The following KRT6B variants were observed in gnomAD, a reference collection of about 807,000 sequenced individuals.
KRT6B encodes keratin, type II cytoskeletal 6B.
Under a neutral mutation model 44.7 loss-of-function variants are expected in KRT6B, and 29 were observed. That is an observed-to-expected ratio of 0.65 (90% CI 0.48 to 0.88). KRT6B has a LOEUF of 0.88. Ranked by LOEUF, KRT6B falls within the 40% of genes least tolerant of loss-of-function variation. KRT6B has a pLI of 0.00. For missense variants in KRT6B, 600 were observed against 724.0 expected (o/e 0.83, Z 1.97); for synonymous variants, 213 against 296.0 (o/e 0.72, Z 2.88).
rs780104227 is a variant in KRT6B, at chr12:52,447,769, G to A, written c.1424+9C>T. 6.2e-7 allele frequency: 1 copy of A among 1,614,202 alleles called. No homozygotes were observed. Among genetic ancestry groups the A allele is most frequent in the Non-Finnish European group, 8.5e-7 (1 of 1,180,030 alleles). On this transcript the variant is annotated intron_variant, in intron 7 of 8. Transcript: ENST00000252252. ...TCAGCTGTTGGAGGAAGTCGCGTCA[G>A]TTACCCACCTGCACTCCTCGCCCTC...
In KRT6B at chr12:52,446,957, C is replaced by T. The variant is rs772264432; in HGVS notation, c.*233G>A. The stretch of plus-strand genomic sequence containing the variant: ...GCAGACTCAGATACCTGTAATAATA[C>T]GGGAACTAAAAAGGACATTCGCATG... On this transcript the variant is annotated 3_prime_UTR_variant, in exon 9 of 9. Transcript: ENST00000252252. The T allele has an allele frequency of 5.1e-6, 3 of 593,970 alleles. No homozygotes were observed. Among genetic ancestry groups the T allele is most frequent in the Admixed American group, 3.0e-5 (1 of 33,568 alleles). The allele number at this position is 593,970 out of a possible 1,614,324, so 36.8% of individuals were successfully genotyped here.
chr12:52,450,166 A>C (rs1304941129), intron 2 of KRT6B, 94 bp from the exon 3 acceptor site: 37 of 1,608,056 alleles, frequency 2.3e-5, no homozygotes, highest in Non-Finnish European at 3.0e-5. Context: ...AATGGAATAT[A>C]TTCTAATTGA....
chr12:52,451,249 C>G (rs1366642148), intron 1 of KRT6B, among the ~76,000 whole-genome samples: 2 of 150,640 alleles, frequency 1.3e-5, no homozygotes, highest in African/African-American at 4.9e-5. Flanking sequence ...CTCTTAAACA[C>G]TTCAGAGGGG....
intron 7 of KRT6B, 85 bp downstream of exon 7, chr12:52,447,693 T>C: frequency 6.2e-7 from 1 of 1,614,038 alleles, no homozygotes; most frequent in Non-Finnish European, 8.5e-7. Context: ...ATTATGGCCT[T>C]GGGCAGTGCA....
In KRT6B at chr12:52,446,845, T is replaced by TAAAA; in HGVS notation, c.*344_*345insTTTT. 5.2e-4 allele frequency: 189 copies of TAAAA among 360,078 alleles called. No individual in the cohort carries two copies. Among genetic ancestry groups the TAAAA allele is most frequent in the South Asian group, 1.4e-3 (40 of 29,306 alleles). 22.3% of individuals were successfully genotyped at this position (360,078 alleles called of 1,614,324 possible). Reference sequence around the variant, plus strand: ...TATAATGGGCAGGATGGTTAGCAATTAAAGAGAGGACTCCTCATCTGCAGC... The same window carrying TAAAA: ...TATAATGGGCAGGATGGTTAGCAATTAAAAAAAGAGAGGACTCCTCATCTGCAGC... On this transcript the variant is annotated 3_prime_UTR_variant, in exon 9 of 9. Coordinates refer to ENST00000252252, the MANE Select transcript of KRT6B (RefSeq NM_005555.4).
Position 52,451,851 on chromosome 12 carries a change from G to T in KRT6B, c.228C>A (p.Ser76Arg), listed in dbSNP as rs1392954643. 1 of 1,611,896 alleles carries T rather than the reference G, an allele frequency of 6.2e-7. No homozygotes were observed. The highest frequency in any genetic ancestry group is 8.5e-7 in the Non-Finnish European group (1 of 1,179,856). ...GSKRISIGGG[S>R]CAISGGYGSR... Reference sequence around the variant, plus strand: ...TGCCATAGCCGCCACTGATGGCACAGCTGCCCCCTCCAATGGAGATCCTCT... The same window carrying T: ...TGCCATAGCCGCCACTGATGGCACATCTGCCCCCTCCAATGGAGATCCTCT... Residue 76 changes from serine to arginine, a missense_variant, in exon 1 of 9, where the codon AGC becomes AGA. Coordinates refer to ENST00000252252, the MANE Select transcript of KRT6B (RefSeq NM_005555.4).
At chr12:52,451,432 G>T in intron 1 of KRT6B, 107 bp downstream of exon 1, 2 of 1,605,516 alleles carry the variant, frequency 1.2e-6, no homozygotes, top group Non-Finnish European at 1.7e-6. Flanking sequence ...GCAGAGCTGG[G>T]CTGAGTCCCC....
intron 6 of KRT6B, among the ~76,000 whole-genome samples, chr12:52,448,272 T>C (rs1940344540): frequency 6.6e-6 from 1 of 152,180 alleles, no homozygotes; most frequent in Non-Finnish European, 1.5e-5. Context: ...CCAAGGACAT[T>C]AAGTGTTGGC....
intron 3 of KRT6B, 70 bp from the exon 4 acceptor site, chr12:52,449,923 C>T: frequency 6.8e-6 from 11 of 1,613,900 alleles, no homozygotes; most frequent in Non-Finnish European, 9.3e-6. Flanking sequence ...TCTAGTCCTC[C>T]TGCCAATTCT....
intron 4 of KRT6B, 34 bp downstream of exon 4, chr12:52,449,724 T>A (rs2121514217): frequency 6.2e-7 from 1 of 1,614,148 alleles, no homozygotes; most frequent in Middle Eastern, 1.7e-4. Context: ...GCAGACCCCA[T>A]CAGAGTAAAC....
In KRT6B at chr12:52,447,271, G is replaced by T; in HGVS notation, c.1614C>A (p.Gly538=). Residue 538 remains glycine (G), a synonymous_variant, in exon 9 of 9, where the codon GGC becomes GGA. Transcript: ENST00000252252. ...SSSSGRATGG[G]LSSVGGGSST... ...AACTGCCGCCTCCAACAGAGCTGAG[G>T]CCACCCCCAGTGGCTCTGCCGCTGC... 2 of 1,614,022 alleles carry T rather than the reference G, an allele frequency of 1.2e-6. No homozygotes were observed. Among genetic ancestry groups the T allele is most frequent in the Non-Finnish European group, 1.7e-6 (2 of 1,179,878 alleles).
chr12:52,451,424 A>C, intron 1 of KRT6B, 115 bp downstream of exon 1: 10 of 1,598,056 alleles, frequency 6.3e-6, no homozygotes, highest in Non-Finnish European at 8.6e-6. Flanking sequence ...CACTCTCTGC[A>C]GAGCTGGGCT....
chr12:52,450,343 A>G, intron 2 of KRT6B, 63 bp downstream of exon 2: 1 of 1,574,812 alleles, frequency 6.3e-7, no homozygotes, highest in Non-Finnish European at 8.7e-7. Context: ...GGAATCCTAC[A>G]CACATCTGGC....
chr12:52,450,623 G>A lies in KRT6B; in HGVS notation c.541-3C>T. On this transcript the variant is annotated splice_region_variant and splice_polypyrimidine_tract_variant and intron_variant, in intron 1 of 8. Transcript: ENST00000252252. The stretch of plus-strand genomic sequence containing the variant: ...TTCTGCTGCTCTAGGAACCGCACCT[G>A]GAGGGGAAGCAAAATGGTCATTTTC... 1.2e-6 allele frequency: 2 copies of A among 1,614,138 alleles called. No homozygotes were observed. Among genetic ancestry groups the A allele is most frequent in the Non-Finnish European group, 1.7e-6 (2 of 1,179,970 alleles).
intron 1 of KRT6B, 53 bp from the exon 2 acceptor site, chr12:52,450,673 G>A: frequency 6.2e-7 from 1 of 1,613,632 alleles, no homozygotes. Context: ...CAGAGAAAGT[G>A]TCTGGTATCC....
At chr12:52,450,688 T>A (rs1940389659) in intron 1 of KRT6B, 68 bp from the exon 2 acceptor site, 1 of 1,611,528 alleles carries the variant, frequency 6.2e-7, no homozygotes, top group East Asian at 2.2e-5. Context: ...GTATCCAGTT[T>A]CCTGGAGGTC....
In KRT6B at chr12:52,447,248, C is replaced by T. The variant is rs145923896; in HGVS notation, c.1637G>A (p.Ser546Asn). The stretch of plus-strand genomic sequence containing the variant: ...GGTGGTGGTGTACTTGATGGTGGAA[C>T]TGCCGCCTCCAACAGAGCTGAGGCC... ...GGGLSSVGGG[S>N]STIKYTTTSS... The change falls in exon 9 of 9, where the codon AGT becomes AAT. Residue 546 changes from serine to asparagine, a missense_variant. Ser to Asn is a conservative substitution (Grantham distance 46). Transcript: ENST00000252252. 3.1e-6 allele frequency: 5 copies of T among 1,614,040 alleles called. No individual in the cohort carries two copies. In the African/African-American group the frequency reaches 6.7e-5, roughly 22 times the overall value.
chr12:52,451,436 A>C (rs1211945302), intron 1 of KRT6B, 103 bp downstream of exon 1: 1 of 1,607,940 alleles, frequency 6.2e-7, no homozygotes, highest in African/African-American at 1.3e-5. Context: ...AGCTGGGCTG[A>C]GTCCCCTTCT....
Position 52,446,827 on chromosome 12 carries a change from G to GTGGTC in KRT6B, c.*362_*363insGACCA. The GTGGTC allele has an allele frequency of 1.5e-5, 5 of 335,652 alleles. No individual in the cohort carries two copies. The highest frequency in any genetic ancestry group is 2.8e-5 in the Non-Finnish European group (5 of 179,490). 20.8% of individuals were successfully genotyped at this position (335,652 alleles called of 1,614,324 possible). ...AGAACTCCTGAGTGTAGCTATAATGGGCAGGATGGTTAGCAATTAAAGAGA... is the reference window on the plus strand; with the variant it reads ...AGAACTCCTGAGTGTAGCTATAATGGTGGTCGCAGGATGGTTAGCAATTAAAGAGA... On this transcript the variant is annotated 3_prime_UTR_variant, in exon 9 of 9. Coordinates refer to ENST00000252252, the MANE Select transcript of KRT6B (RefSeq NM_005555.4).
Sources: allele counts gnomAD v4.1 joint callset (sites outside exome capture counted in the v4.1 genomes callset), GRCh38; gene constraint gnomAD v4.1.1; transcripts MANE v1.5; gene names NCBI Gene and HGNC (gene_info 2026-07-23, HGNC 2026-07-21).